The following DAP variants were observed in gnomAD, a reference collection of about 807,000 sequenced individuals.
The protein encoded by DAP is death-associated protein 1.
In DAP, 8 loss-of-function variants were observed where a neutral mutation model predicts 13.8. That is an observed-to-expected ratio of 0.58 (90% CI 0.34 to 1.05). The LOEUF (loss-of-function observed/expected upper bound fraction) is 1.05, where lower values mean the gene tolerates loss of function less well. Among genes scored for constraint, DAP ranks in the 50% least tolerant of loss-of-function variants. The pLI is 0.03. For missense variants in DAP, 106 were observed against 133.2 expected (o/e 0.80, Z 1.01); for synonymous variants, 47 against 47.5 (o/e 0.99, Z 0.04).
chr5:10,688,950 T>C (rs918886493), intron 2 of DAP, among the ~76,000 whole-genome samples: 3 of 152,108 alleles, frequency 2.0e-5, no homozygotes, highest in Admixed American at 2.0e-4. Flanking sequence ...GGAATCTGTC[T>C]CCAGCACTGG....
chr5:10,739,225 A>G (rs983643854), intron 2 of DAP, among the ~76,000 whole-genome samples: 1 of 144,404 alleles, frequency 6.9e-6, no homozygotes, highest in African/African-American at 2.6e-5. Flanking sequence ...AAAAAAAAAA[A>G]AGAAAGAAAG....
At position 10,719,263 on chromosome 5, in the gene DAP, A is replaced by G. The variant is rs572040747; in HGVS notation, c.152+28912T>C. Among the ~76,000 whole-genome samples the G allele has an allele frequency of 1.9e-3, 282 of 152,350 alleles. 4 individuals are homozygous for G. The highest frequency in any genetic ancestry group is 5.9e-4 in the Non-Finnish European group (40 of 68,026). On this transcript the variant is annotated intron_variant, in intron 2 of 3. Transcript: ENST00000230895. ...TCTGGTCCATTTATCAAGTGACCCG[A>G]AAGGCTGTCAGCTTTGAGTGGGGTC...
chr5:10,683,670 C>T (rs368470945), intron 2 of DAP, 99 bp from the exon 3 acceptor site: 88 of 1,136,132 alleles, frequency 7.7e-5, no homozygotes, highest in African/African-American at 1.4e-4. Flanking sequence ...GGCTGGAGGG[C>T]GTGGAGGCAG....
At chr5:10,690,872 C>T (rs531034526) in intron 2 of DAP, among the ~76,000 whole-genome samples, 5 of 152,314 alleles carry the variant, frequency 3.3e-5, no homozygotes, top group African/African-American at 9.6e-5. Flanking sequence ...TTTTCCACAG[C>T]GGCTGTTCCA....
At chr5:10,742,512 A>T (rs1019205432) in intron 2 of DAP, among the ~76,000 whole-genome samples, 4 of 152,208 alleles carry the variant, frequency 2.6e-5, no homozygotes, top group Admixed American at 2.0e-4. Flanking sequence ...GGGCAACAAG[A>T]GTGAAACTCC....
intron 2 of DAP, among the ~76,000 whole-genome samples, chr5:10,696,402 G>A (rs1161219672): frequency 1.3e-5 from 2 of 152,160 alleles, no homozygotes; most frequent in Non-Finnish European, 2.9e-5. Context: ...CTCCACAGGA[G>A]TCATAGGCGA....
At chr5:10,699,475 G>A (rs779803897) in intron 2 of DAP, among the ~76,000 whole-genome samples, 1 of 152,230 alleles carries the variant, frequency 6.6e-6, no homozygotes, top group Non-Finnish European at 1.5e-5. Context: ...GAGGCCAACA[G>A]GCCACACCTG....
At chr5:10,749,425 A>AGT (rs1739989441) in intron 1 of DAP, among the ~76,000 whole-genome samples, 1 of 152,116 alleles carries the variant, frequency 6.6e-6, no homozygotes, top group Non-Finnish European at 1.5e-5. Context: ...CATTCCCACC[A>AGT]GTGTGTGGGT....
chr5:10,710,015 C>T (rs538039142), intron 2 of DAP, among the ~76,000 whole-genome samples: 177 of 152,310 alleles, frequency 1.2e-3, no homozygotes, highest in Middle Eastern at 3.4e-3. Flanking sequence ...TGGCGCTGCT[C>T]GAGGCTGATT....
At chr5:10,692,029 G>C (rs1436607776) in intron 2 of DAP, among the ~76,000 whole-genome samples, 1 of 152,170 alleles carries the variant, frequency 6.6e-6, no homozygotes, top group Non-Finnish European at 1.5e-5. Flanking sequence ...TGCCAGAAAC[G>C]CTCAGTGACT....
At chr5:10,737,430 G>A (rs1739643209) in intron 2 of DAP, among the ~76,000 whole-genome samples, 2 of 151,970 alleles carry the variant, frequency 1.3e-5, no homozygotes. Context: ...AGCATCCCTG[G>A]TCTACTGAAA....
At chr5:10,701,782 C>T (rs1047298509) in intron 2 of DAP, among the ~76,000 whole-genome samples, 1 of 152,194 alleles carries the variant, frequency 6.6e-6, no homozygotes, top group South Asian at 2.1e-4. Flanking sequence ...GGTGTTATTA[C>T]TAGCAGTGCT....
intron 2 of DAP, among the ~76,000 whole-genome samples, chr5:10,743,084 T>C (rs1211375496): frequency 6.6e-6 from 1 of 151,056 alleles, no homozygotes; most frequent in Non-Finnish European, 1.5e-5. Flanking sequence ...GCTCTTTGTT[T>C]GTTGAATCCT....
At chr5:10,687,905 CTTTT>C (rs1199947263) in intron 2 of DAP, among the ~76,000 whole-genome samples, 66 of 110,638 alleles carry the variant, frequency 6.0e-4, no homozygotes, top group Middle Eastern at 4.8e-3. Context: ...TCATTGTTGT[CTTTT>C]TTTTTTTTTT....
intron 2 of DAP, among the ~76,000 whole-genome samples, chr5:10,700,015 G>A (rs2930050): frequency 0.24 from 35,980 of 152,208 alleles, 4,437 homozygotes; most frequent in Middle Eastern, 0.36. Context: ...GCCCCTCTCC[G>A]AGCTGAGATG....
Position 10,680,875 on chromosome 5 carries a change from G to A in DAP, c.*181C>T. 1 of 1,537,070 alleles carries A rather than the reference G, an allele frequency of 6.5e-7. No individual in the cohort carries two copies. The highest frequency in any genetic ancestry group is 8.7e-7 in the Non-Finnish European group (1 of 1,147,032). ...TCCAACCAGACTCCCCATAAACAAG[G>A]TTTGGGCTGGAGCTGTTTCTAGTTT... On this transcript the variant is annotated 3_prime_UTR_variant, in exon 4 of 4. Coordinates refer to ENST00000230895, the MANE Select transcript of DAP (RefSeq NM_004394.3).
chr5:10,726,768 TGTGTGTGA>T (rs1236025183), intron 2 of DAP, among the ~76,000 whole-genome samples: 2 of 152,200 alleles, frequency 1.3e-5, no homozygotes, highest in African/African-American at 2.4e-5. Context: ...AAAGTGTGTG[TGTGTGTGA>T]GTATGAGTGT....
intron 2 of DAP, among the ~76,000 whole-genome samples, chr5:10,732,676 A>C (rs968406302): frequency 6.6e-6 from 1 of 152,164 alleles, no homozygotes; most frequent in Non-Finnish European, 1.5e-5. Context: ...AGTTCTCTTG[A>C]GTGTATACCT....
At chr5:10,733,170 G>A (rs1739512220) in intron 2 of DAP, among the ~76,000 whole-genome samples, 1 of 82,384 alleles carries the variant, frequency 1.2e-5, no homozygotes, top group South Asian at 4.1e-4. Flanking sequence ...GTGTGTGTGT[G>A]TGTGTGTGTG....
Sources: gnomAD v4.1 joint callset for allele counts (sites outside exome capture counted in the v4.1 genomes callset) on GRCh38, gnomAD v4.1.1 for gene constraint, MANE v1.5 for transcripts, NCBI Gene and HGNC (gene_info 2026-07-23, HGNC 2026-07-21) for gene names.